DBX2: variants seen among roughly 807,000 people sequenced by gnomAD.
The protein encoded by DBX2 is developing brain homeobox 2, also known as homeobox protein DBX2.
In DBX2, 16 loss-of-function variants were observed where a neutral mutation model predicts 17.7. The observed-to-expected ratio is 0.90, with a 90% CI of 0.61 to 1.37. The LOEUF is 1.37. DBX2 is among the 40% of genes most tolerant of loss of function. DBX2 has a pLI of 0.00. For synonymous variants in DBX2, 255 were observed against 183.8 expected, an observed-to-expected ratio of 1.39 and a Z score of -3.13; for missense variants, 538 against 433.8, an observed-to-expected ratio of 1.24 and a Z score of -2.13.
intron 2 of DBX2, among the ~76,000 whole-genome samples, 189 bp downstream of exon 2, chr12:45,035,830 C>T (rs1946437141): frequency 1.3e-5 from 2 of 152,108 alleles, no homozygotes; most frequent in South Asian, 4.1e-4. Context: ...ATTAGAACTG[C>T]TCACAATTGC....
chr12:45,034,571 G>A (rs559637899), intron 2 of DBX2, among the ~76,000 whole-genome samples: 19 of 152,292 alleles, frequency 1.2e-4, no homozygotes, highest in African/African-American at 3.8e-4. Flanking sequence ...AAATAGTAGT[G>A]TATCAGTCCC....
At chr12:45,022,657 G>A (rs1453570193) in intron 3 of DBX2, among the ~76,000 whole-genome samples, 1 of 152,102 alleles carries the variant, frequency 6.6e-6, no homozygotes, top group Non-Finnish European at 1.5e-5. Flanking sequence ...CTGTAGTGAG[G>A]AACAACAGTA....
At chr12:45,022,307 T>TTG (rs1946357136) in intron 3 of DBX2, among the ~76,000 whole-genome samples, 1 of 138,208 alleles carries the variant, frequency 7.2e-6, no homozygotes, top group Non-Finnish European at 1.6e-5. Context: ...TGTTTTTTTT[T>TTG]TTTTTTTTTT....
chr12:45,027,190 T>C (rs1253600759), intron 2 of DBX2, among the ~76,000 whole-genome samples: 4 of 152,336 alleles, frequency 2.6e-5, no homozygotes, highest in Non-Finnish European at 4.4e-5. Context: ...CGAAATAAGA[T>C]AACAAAATTT....
rs1205249579 is a variant in DBX2 at position 45,016,419 on chromosome 12, G to A, written c.887C>T (p.Pro296Leu). ...CTGGATTAGTCTTTCTGAAGGTTCT[G>A]GAGAATTCTCCCTCCATCTTGGACT... ...HSSPRWRENS[P>L]EPSERLIQES... Residue 296 changes from proline (P) to leucine (L), a missense_variant, in exon 4 of 4, where the codon CCA becomes CTA. Pro to Leu is a moderately conservative substitution (Grantham distance 98, BLOSUM62 -3). Transcript: ENST00000332700. 1.2e-6 allele frequency: 2 copies of A among 1,613,904 alleles called. No individual in the cohort carries two copies. Among genetic ancestry groups the A allele is most frequent in the East Asian group, 2.2e-5 (1 of 44,870 alleles).
intron 1 of DBX2, among the ~76,000 whole-genome samples, chr12:45,044,578 T>C (rs1298873482): frequency 6.6e-6 from 1 of 152,192 alleles, no homozygotes; most frequent in Non-Finnish European, 1.5e-5. Flanking sequence ...TCTAGTCATC[T>C]GTGCATCATT....
At chr12:45,042,290 A>G (rs1040535639) in intron 1 of DBX2, among the ~76,000 whole-genome samples, 1 of 152,232 alleles carries the variant, frequency 6.6e-6, no homozygotes, top group African/African-American at 2.4e-5. Flanking sequence ...GCAGACTTCT[A>G]CTGAAATACA....
At chr12:45,039,754 G>A (rs1007752000) in intron 1 of DBX2, among the ~76,000 whole-genome samples, 5 of 151,818 alleles carry the variant, frequency 3.3e-5, no homozygotes, top group African/African-American at 1.2e-4. Context: ...AAACAATAAA[G>A]ATTTAACATA....
rs1190085395 is a variant in DBX2, at chr12:45,039,276, GGTATATAT to G, written c.404-3170_404-3163del. ...ATTTAAAACAATGCACTGCATTGAA[GGTATATAT>G]ATATATATATATATATATATATATA... is the stretch of plus-strand genomic sequence containing the variant. On this transcript the variant is annotated intron_variant, in intron 1 of 3. Transcript: ENST00000332700. Among the ~76,000 whole-genome samples, 26 of 66,464 alleles carry G rather than the reference GGTATATAT, an allele frequency of 3.9e-4. 1 individual carries two copies. Among genetic ancestry groups the G allele is most frequent in the African/African-American group, 1.7e-3 (26 of 15,492 alleles). 43.6% of individuals were successfully genotyped at this position (66,464 alleles called of 152,430 possible). A position where few individuals can be genotyped will look rare whatever the true frequency, so the allele number is the denominator to read the frequency against.
chr12:45,018,880 C>T (rs948626857), intron 3 of DBX2, among the ~76,000 whole-genome samples: 1 of 151,616 alleles, frequency 6.6e-6, no homozygotes, highest in African/African-American at 2.4e-5. Context: ...CTAAGTAAAA[C>T]AGGCCAGGAT....
At chr12:45,021,132 G>A (rs954916204) in intron 3 of DBX2, among the ~76,000 whole-genome samples, 1 of 152,028 alleles carries the variant, frequency 6.6e-6, no homozygotes, top group Admixed American at 6.6e-5. Flanking sequence ...AATTGTAATT[G>A]TAATGTTATA....
At chr12:45,037,685 G>A (rs1385241226) in intron 1 of DBX2, among the ~76,000 whole-genome samples, 1 of 152,056 alleles carries the variant, frequency 6.6e-6, no homozygotes, top group Non-Finnish European at 1.5e-5. Flanking sequence ...ACGAACTGAT[G>A]AGCTGTTTAT....
In DBX2 at chr12:45,016,347, G is replaced by C; in HGVS notation, c.959C>G (p.Ala320Gly). 6.2e-7 allele frequency: 1 copy of C among 1,611,128 alleles called. No individual in the cohort carries two copies. The highest frequency in any genetic ancestry group is 1.1e-5 in the South Asian group (1 of 90,438). Residue 320 changes from alanine (A) to glycine (G), a missense_variant, in exon 4 of 4, where the codon GCC (alanine) becomes GGC (glycine). Transcript: ENST00000332700. Reference sequence around the variant, plus strand: ...TTCTTCTTCAGAACATAAATATAAGGCACCTTGCAGTGAATTTGCTTCTGG... The same window carrying C: ...TTCTTCTTCAGAACATAAATATAAGCCACCTTGCAGTGAATTTGCTTCTGG... ...PPPEANSLQG[A>G]LYLCSEEEAG...
At chr12:45,017,001 G>T (rs1375518875) in intron 3 of DBX2, among the ~76,000 whole-genome samples, 1 of 151,954 alleles carries the variant, frequency 6.6e-6, no homozygotes, top group Non-Finnish European at 1.5e-5. Context: ...GCCCAGGCTG[G>T]TCTTGAACTC....
intron 2 of DBX2, among the ~76,000 whole-genome samples, chr12:45,025,348 C>T (rs1370600784): frequency 6.6e-6 from 1 of 151,970 alleles, no homozygotes; most frequent in Non-Finnish European, 1.5e-5. Flanking sequence ...CTGGAAAAGA[C>T]AAGGAAACAG....
At chr12:45,027,665 G>A (rs1946388457) in intron 2 of DBX2, among the ~76,000 whole-genome samples, 1 of 152,136 alleles carries the variant, frequency 6.6e-6, no homozygotes, top group African/African-American at 2.4e-5. Flanking sequence ...CAAAAATGCA[G>A]AGAAAAAAAT....
At position 45,022,309 on chromosome 12, in the gene DBX2, T is replaced by TTG. The variant is rs1555141280; in HGVS notation, c.687+1397_687+1398insCA. 7.2e-5 allele frequency among the ~76,000 whole-genome samples: 10 copies of TTG among 139,552 alleles called. No homozygotes were observed. The East Asian group carries it at 1.0e-3, about 14-fold the overall frequency. 91.6% of individuals were successfully genotyped at this position (139,552 alleles called of 152,430 possible). A position where few individuals can be genotyped will look rare whatever the true frequency, so the allele number is the denominator to read the frequency against. The stretch of plus-strand genomic sequence containing the variant: ...GTCCAATAATAACTGTTTTTTTTTT[T>TTG]TTTTTTTTTTTTGAGATGGAGTCTT... On this transcript the variant is annotated intron_variant, in intron 3 of 3. Coordinates refer to ENST00000332700, the MANE Select transcript of DBX2 (RefSeq NM_001004329.3).
Position 45,051,011 on chromosome 12 carries a change from C to T in DBX2, c.-84G>A. The T allele has an allele frequency of 1.5e-6, 2 of 1,307,446 alleles. No homozygotes were observed. The highest frequency in any genetic ancestry group is 1.9e-6 in the Non-Finnish European group (2 of 1,032,172). The allele number at this position is 1,307,446 out of a possible 1,614,324, so 81.0% of individuals were successfully genotyped here. ...CCCCGCACCGCACCCAGAGCCGCAG[C>T]TTCTCGCCGCCGCCTCCCGCAGGGC... On this transcript the variant is annotated 5_prime_UTR_variant, in exon 1 of 4. Coordinates refer to ENST00000332700, the MANE Select transcript of DBX2 (RefSeq NM_001004329.3).
intron 1 of DBX2, among the ~76,000 whole-genome samples, chr12:45,038,373 C>A (rs986996464): frequency 6.6e-6 from 1 of 150,984 alleles, no homozygotes; most frequent in Non-Finnish European, 1.5e-5. Flanking sequence ...TAAAATTAAA[C>A]ATTTACCATG....
Sources: allele counts gnomAD v4.1 joint callset (sites outside exome capture counted in the v4.1 genomes callset), GRCh38; gene constraint gnomAD v4.1.1; transcripts MANE v1.5; gene names NCBI Gene and HGNC (gene_info 2026-07-23, HGNC 2026-07-21).